Variants in MTUS2 observed in about 807,000 individuals in gnomAD.
MTUS2 encodes the protein microtubule associated scaffold protein 2.
MTUS2 carries 40 observed loss-of-function variants against 114.1 expected under a neutral mutation model. The ratio of observed to expected loss-of-function variants is 0.35; its 90% CI spans 0.27 to 0.46. The LOEUF is 0.46. Among genes scored for constraint, MTUS2 ranks in the 20% least tolerant of loss-of-function variants. MTUS2 has a pLI of 1.00. For missense variants in MTUS2, 1,679 were observed against 1,705.4 expected (o/e 0.98, Z 0.27); for synonymous variants, 688 against 672.0 (o/e 1.02, Z -0.37).
intron 5 of MTUS2, among the ~76,000 whole-genome samples, chr13:29,271,044 A>G (rs1436575405): frequency 6.6e-6 from 1 of 152,228 alleles, no homozygotes; most frequent in Non-Finnish European, 1.5e-5. Context: ...AGTTAAAGAT[A>G]TCCTCTTCTT....
chr13:29,405,476 A>G (rs1217182870), intron 8 of MTUS2, among the ~76,000 whole-genome samples: 1 of 152,230 alleles, frequency 6.6e-6, no homozygotes, highest in Non-Finnish European at 1.5e-5. Flanking sequence ...TCCAAATTAC[A>G]TAGCACAGCC....
At chr13:29,203,791 A>T (rs1193197836) in intron 5 of MTUS2, among the ~76,000 whole-genome samples, 2 of 151,722 alleles carry the variant, frequency 1.3e-5, no homozygotes, top group African/African-American at 4.9e-5. Context: ...TCTTAGACCC[A>T]CTAGCACTTC....
intron 5 of MTUS2, among the ~76,000 whole-genome samples, chr13:29,130,946 TATTG>T (rs768759438): frequency 6.6e-6 from 1 of 152,202 alleles, no homozygotes; most frequent in Non-Finnish European, 1.5e-5. Flanking sequence ...TGTGTATTGA[TATTG>T]ATTATCATTC....
chr13:29,189,066 C>A (rs1894340508), intron 5 of MTUS2, among the ~76,000 whole-genome samples: 1 of 152,212 alleles, frequency 6.6e-6, no homozygotes, highest in South Asian at 2.1e-4. Flanking sequence ...CCTGGGGAAG[C>A]TCCTCTGTGT....
intron 4 of MTUS2, among the ~76,000 whole-genome samples, chr13:29,041,233 C>G (rs754422743): frequency 6.6e-6 from 1 of 152,034 alleles, no homozygotes; most frequent in Non-Finnish European, 1.5e-5. Context: ...TTTTTGTTTG[C>G]GTTATTAAAG....
intron 6 of MTUS2, among the ~76,000 whole-genome samples, chr13:29,311,215 A>G (rs1490725340): frequency 6.6e-5 from 10 of 152,188 alleles, no homozygotes; most frequent in Non-Finnish European, 1.2e-4. Flanking sequence ...ACTATGAGGA[A>G]AAGCAAGACA....
chr13:29,278,696 C>T (rs1374417148), intron 5 of MTUS2, among the ~76,000 whole-genome samples: 1 of 152,254 alleles, frequency 6.6e-6, no homozygotes, highest in East Asian at 1.9e-4. Flanking sequence ...ACTGAGCAAA[C>T]TTCCCTGTGT....
At chr13:29,344,804 A>G (rs1193207065) in intron 7 of MTUS2, among the ~76,000 whole-genome samples, 1 of 152,080 alleles carries the variant, frequency 6.6e-6, no homozygotes, top group Admixed American at 6.5e-5. Context: ...TATTTTGAGA[A>G]TTTGTTTCAA....
At chr13:29,465,363 G>A (rs111889319) in intron 9 of MTUS2, among the ~76,000 whole-genome samples, 10 of 152,168 alleles carry the variant, frequency 6.6e-5, no homozygotes, top group African/African-American at 2.4e-4. Context: ...GCATCAGCTG[G>A]TAAGCAGTGA....
chr13:29,291,906 C>T (rs1325077351), intron 6 of MTUS2, among the ~76,000 whole-genome samples: 1 of 152,190 alleles, frequency 6.6e-6, no homozygotes, highest in Non-Finnish European at 1.5e-5. Flanking sequence ...AACATCTAAG[C>T]CCTCCTTGCA....
At chr13:28,881,728 G>C (rs1201080141) in intron 2 of MTUS2, among the ~76,000 whole-genome samples, 3 of 152,072 alleles carry the variant, frequency 2.0e-5, no homozygotes, top group South Asian at 4.1e-4. Context: ...CTGGTGATTA[G>C]TAACGATGAG....
chr13:29,155,829 T>G (rs777291661), intron 5 of MTUS2, among the ~76,000 whole-genome samples: 32 of 152,148 alleles, frequency 2.1e-4, no homozygotes, highest in Middle Eastern at 3.2e-3. Context: ...CACATGTCTC[T>G]GATTGTTAAT....
At chr13:29,078,042 C>A (rs1286851507) in intron 4 of MTUS2, among the ~76,000 whole-genome samples, 75 of 152,202 alleles carry the variant, frequency 4.9e-4, no homozygotes, top group Non-Finnish European at 1.6e-4. Context: ...AACAACACAT[C>A]TTTTAAAAGT....
intron 2 of MTUS2, among the ~76,000 whole-genome samples, chr13:28,909,667 A>C (rs2138003247): frequency 6.6e-6 from 1 of 152,310 alleles, no homozygotes; most frequent in South Asian, 2.1e-4. Context: ...TAGTGTTGGA[A>C]GTTCTGGCCA....
chr13:29,289,952 A>T (rs1898638730), intron 6 of MTUS2, among the ~76,000 whole-genome samples: 1 of 152,056 alleles, frequency 6.6e-6, no homozygotes, highest in Non-Finnish European at 1.5e-5. Context: ...CACACCCCAC[A>T]TTCTGCTCTG....
At chr13:29,166,235 A>G (rs1013495560) in intron 5 of MTUS2, among the ~76,000 whole-genome samples, 2 of 152,228 alleles carry the variant, frequency 1.3e-5, no homozygotes, top group African/African-American at 4.8e-5. Flanking sequence ...TGGATTGGAA[A>G]CACAAGTTAC....
chr13:29,447,204 G>T lies in MTUS2; in HGVS notation c.3184+7155G>T, dbSNP rs562111755. ...CAACATGTGTTTCCTTGGAGACAGGGCACTCTGGTGTCAAAAATGAAATCA... is the reference window on the plus strand; with the variant it reads ...CAACATGTGTTTCCTTGGAGACAGGTCACTCTGGTGTCAAAAATGAAATCA... On this transcript the variant is annotated intron_variant, in intron 9 of 15. Transcript: ENST00000612955. Among the ~76,000 whole-genome samples the T allele has an allele frequency of 2.6e-5, 4 of 152,064 alleles. No individual in the cohort carries two copies. In the East Asian group the frequency reaches 5.8e-4, roughly 22 times the overall value.
chr13:29,316,349 T>C (rs1312527787), intron 6 of MTUS2, among the ~76,000 whole-genome samples: 1 of 151,876 alleles, frequency 6.6e-6, no homozygotes, highest in Non-Finnish European at 1.5e-5. Flanking sequence ...GAAGAAGGAG[T>C]TCCACATAGT....
intron 2 of MTUS2, among the ~76,000 whole-genome samples, chr13:28,863,641 A>G (rs1448252111): frequency 2.6e-5 from 4 of 152,342 alleles, no homozygotes; most frequent in Middle Eastern, 3.4e-3. Context: ...GTGCTTCCGC[A>G]TTCTTCTGAA....
Sources: gnomAD v4.1 joint callset for allele counts (sites outside exome capture counted in the v4.1 genomes callset) on GRCh38, gnomAD v4.1.1 for gene constraint, MANE v1.5 for transcripts, NCBI Gene and HGNC (gene_info 2026-07-23, HGNC 2026-07-21) for gene names.